PCMT1: variants seen among roughly 807,000 people sequenced by gnomAD.
The protein encoded by PCMT1 is protein-L-isoaspartate (D-aspartate) O-methyltransferase.
PCMT1 carries 9 observed loss-of-function variants against 29.2 expected under a neutral mutation model. The ratio of observed to expected loss-of-function variants is 0.31; its 90% CI spans 0.19 to 0.54. PCMT1 has a LOEUF of 0.54. PCMT1 is among the 20% of genes least tolerant of loss of function. The probability of loss-of-function intolerance (pLI) is 0.95; values close to 1 mark genes in which losing one functional copy is unlikely to be tolerated. For missense variants in PCMT1, 184 were observed against 282.2 expected, an observed-to-expected ratio of 0.65 and a Z score of 2.49; for synonymous variants, 98 against 97.5, an observed-to-expected ratio of 1.00 and a Z score of -0.03.
chr6:149,761,524 A>G (rs908611173), intron 1 of PCMT1, among the ~76,000 whole-genome samples: 2 of 152,052 alleles, frequency 1.3e-5, no homozygotes. Context: ...TGTTTTATCT[A>G]CTTTAGACAT....
intron 1 of PCMT1, among the ~76,000 whole-genome samples, chr6:149,751,303 G>C (rs193145797): frequency 2.6e-5 from 4 of 152,118 alleles, no homozygotes; most frequent in Admixed American, 2.0e-4. Context: ...GGCAACAAGG[G>C]AGGAAACTCC....
intron 1 of PCMT1, among the ~76,000 whole-genome samples, chr6:149,764,842 C>T (rs1209802393): frequency 6.6e-6 from 1 of 151,398 alleles, no homozygotes; most frequent in Non-Finnish European, 1.5e-5. Context: ...AAGATCGAGA[C>T]CATCCTGGCT....
chr6:149,770,516 C>G (rs1339300721), intron 1 of PCMT1, among the ~76,000 whole-genome samples: 1 of 152,006 alleles, frequency 6.6e-6, no homozygotes, highest in Non-Finnish European at 1.5e-5. Context: ...GCCAGCCTGG[C>G]TAACACAGTG....
intron 1 of PCMT1, among the ~76,000 whole-genome samples, chr6:149,763,836 TA>T (rs1328656613): frequency 1.3e-5 from 2 of 152,168 alleles, no homozygotes; most frequent in Non-Finnish European, 2.9e-5. Context: ...TATCTTTATG[TA>T]AAAAATGGTT....
chr6:149,774,987 G>A lies in PCMT1; in HGVS notation c.192+1818G>A, dbSNP rs529610638. Reference sequence around the variant, plus strand: ...CTCCCAAAGTGCTGGGATTACAGGCGTGAGCCACCCCACCCAGCCTTAACT... The same window carrying A: ...CTCCCAAAGTGCTGGGATTACAGGCATGAGCCACCCCACCCAGCCTTAACT... On this transcript the variant is annotated intron_variant, in intron 3 of 7. Transcript: ENST00000464889. Among the ~76,000 whole-genome samples the A allele has an allele frequency of 7.9e-5, 12 of 152,140 alleles. No individual in the cohort carries two copies. The South Asian group carries it at 2.1e-3, about 26-fold the overall frequency.
In PCMT1 at chr6:149,772,789, G is replaced by C. The variant is rs575144197; in HGVS notation, c.161-349G>C. ...TCCTAGCACTTTGGGAGGCCGAGGT[G>C]GGTGGATCACGAGGTCAGGAGATCG... is the stretch of plus-strand genomic sequence containing the variant. On this transcript the variant is annotated intron_variant, in intron 2 of 7. Coordinates refer to ENST00000464889, the MANE Select transcript of PCMT1 (RefSeq NM_001360452.2). 1.8e-5 allele frequency: 6 copies of C among 337,458 alleles called. No individual in the cohort carries two copies. The East Asian group carries it at 4.7e-4, about 26-fold the overall frequency. 20.9% of individuals were successfully genotyped at this position (337,458 alleles called of 1,614,324 possible). A position where few individuals can be genotyped will look rare whatever the true frequency, so the allele number is the denominator to read the frequency against.
chr6:149,786,579 GGT>G (rs1256514600), intron 3 of PCMT1, among the ~76,000 whole-genome samples: 16 of 79,230 alleles, frequency 2.0e-4, no homozygotes, highest in Admixed American at 1.5e-3. Flanking sequence ...CCAGGCAGAG[GGT>G]CTCCTCACTT....
chr6:149,779,067 C>T (rs992561135), intron 3 of PCMT1, among the ~76,000 whole-genome samples: 1 of 152,012 alleles, frequency 6.6e-6, no homozygotes, highest in African/African-American at 2.4e-5. Flanking sequence ...TGGTGCGGGG[C>T]CCGGGTTGAG....
intron 7 of PCMT1, 99 bp from the exon 8 acceptor site, chr6:149,810,517 G>T: frequency 1.2e-6 from 1 of 804,420 alleles, no homozygotes; most frequent in Non-Finnish European, 2.0e-6. Context: ...GGTGATCAGC[G>T]CATTTTTATT....
At chr6:149,770,681 G>A (rs1169420887) in intron 1 of PCMT1, among the ~76,000 whole-genome samples, 1 of 147,284 alleles carries the variant, frequency 6.8e-6, no homozygotes. Context: ...ACTCCAGCCT[G>A]GGCAACACAG....
At chr6:149,751,998 G>A (rs750318478) in intron 1 of PCMT1, among the ~76,000 whole-genome samples, 42 of 149,406 alleles carry the variant, frequency 2.8e-4, no homozygotes, top group Non-Finnish European at 5.0e-4. Context: ...TCAGCCTCCT[G>A]AGTACAGTGG....
At chr6:149,752,131 A>C (rs1786348309) in intron 1 of PCMT1, among the ~76,000 whole-genome samples, 1 of 146,096 alleles carries the variant, frequency 6.8e-6, no homozygotes, top group African/African-American at 2.5e-5. Context: ...TGTTGGACTC[A>C]GGCTCCCAAA....
intron 3 of PCMT1, among the ~76,000 whole-genome samples, chr6:149,778,776 C>T (rs995956307): frequency 2.6e-5 from 4 of 151,888 alleles, no homozygotes; most frequent in Admixed American, 6.6e-5. Context: ...GGAGCTCAAG[C>T]GATCCTCCCA....
At chr6:149,774,964 C>T (rs906118693) in intron 3 of PCMT1, among the ~76,000 whole-genome samples, 2 of 152,146 alleles carry the variant, frequency 1.3e-5, no homozygotes, top group African/African-American at 4.8e-5. Flanking sequence ...GCCTCGGCCT[C>T]CCAAAGTGCT....
chr6:149,753,518 G>C (rs1232855868), intron 1 of PCMT1, among the ~76,000 whole-genome samples: 2 of 151,938 alleles, frequency 1.3e-5, no homozygotes, highest in Non-Finnish European at 2.9e-5. Flanking sequence ...TTTTAGTAGA[G>C]ACAAGGTTTC....
intron 3 of PCMT1, among the ~76,000 whole-genome samples, chr6:149,787,277 GGAGACCGTGGGT>G (rs1562415759): frequency 3.4e-5 from 5 of 147,910 alleles, no homozygotes; most frequent in Admixed American, 1.3e-4. Flanking sequence ...GGAAAGAGAG[GGAGACCGTGGGT>G]AGAGGGAGAC....
chr6:149,796,177 C>T (rs1482332659), intron 5 of PCMT1: 1 of 345,920 alleles, frequency 2.9e-6, no homozygotes. Context: ...TTTTCATTTA[C>T]TAAATGATTG....
chr6:149,798,557 G>A (rs936138785), intron 6 of PCMT1, among the ~76,000 whole-genome samples: 8 of 152,180 alleles, frequency 5.3e-5, no homozygotes, highest in Non-Finnish European at 1.2e-4. Context: ...ATAGCAGAAT[G>A]AAGATGTTTA....
At chr6:149,756,569 T>G (rs1305882689) in intron 1 of PCMT1, among the ~76,000 whole-genome samples, 1 of 136,506 alleles carries the variant, frequency 7.3e-6, no homozygotes, top group Non-Finnish European at 1.5e-5. Flanking sequence ...TTTGTCATGT[T>G]GCCCAGGCAG....
Sources: allele counts gnomAD v4.1 joint callset (sites outside exome capture counted in the v4.1 genomes callset), GRCh38; gene constraint gnomAD v4.1.1; transcripts MANE v1.5; gene names NCBI Gene and HGNC (gene_info 2026-07-23, HGNC 2026-07-21).